Variants in ELF1 observed in about 807,000 individuals in gnomAD.
ELF1 encodes ETS-related transcription factor Elf-1.
In ELF1, 24 loss-of-function variants were observed where a neutral mutation model predicts 59.9. The observed-to-expected ratio is 0.40, with a 90% CI of 0.29 to 0.56. The LOEUF (loss-of-function observed/expected upper bound fraction) is 0.56, where lower values mean the gene tolerates loss of function less well. Ranked by LOEUF, ELF1 falls within the 20% of genes least tolerant of loss-of-function variation. The pLI, the probability that ELF1 is intolerant of heterozygous loss-of-function variation, is 0.44. For missense variants in ELF1, 627 were observed against 742.2 expected (o/e 0.84, Z 1.80); for synonymous variants, 248 against 266.2 (o/e 0.93, Z 0.67).
intron 1 of ELF1, among the ~76,000 whole-genome samples, chr13:40,993,512 T>G (rs1355694692): frequency 2.6e-5 from 4 of 152,100 alleles, no homozygotes; most frequent in African/African-American, 9.7e-5. Flanking sequence ...AGACAGGGTC[T>G]CGTTGTTGCC....
At chr13:41,021,337 C>A (rs969707368), upstream of ELF1, among the ~76,000 whole-genome samples, 1 of 152,152 alleles carries the variant, frequency 6.6e-6, no homozygotes, top group Non-Finnish European at 1.5e-5. Flanking sequence ...TCAACAGAAA[C>A]AAATATCTTA....
At chr13:40,942,319 C>T (rs1213609683) in intron 7 of ELF1, among the ~76,000 whole-genome samples, 1 of 152,156 alleles carries the variant, frequency 6.6e-6, no homozygotes, top group Admixed American at 6.5e-5. Flanking sequence ...TCATTCAGAT[C>T]GTTCTTATTT....
chr13:40,998,659 C>G (rs892831400), intron 1 of ELF1, among the ~76,000 whole-genome samples: 2 of 152,110 alleles, frequency 1.3e-5, no homozygotes, highest in African/African-American at 4.8e-5. Flanking sequence ...AAAACATATA[C>G]AGAACAATTA....
chr13:41,037,720 T>C (rs955596727), intron 1 of ELF1, among the ~76,000 whole-genome samples: 19 of 150,800 alleles, frequency 1.3e-4, no homozygotes, highest in African/African-American at 4.4e-4. Flanking sequence ...TGCTGGAACC[T>C]GGGAGGTGGA....
chr13:41,047,879 G>T (rs1386098432), intron 1 of ELF1, among the ~76,000 whole-genome samples: 1 of 152,230 alleles, frequency 6.6e-6, no homozygotes, highest in Non-Finnish European at 1.5e-5. Flanking sequence ...CCCAGAGGTG[G>T]AGTCTACAGA....
chr13:41,015,065 G>A (rs999967694), intron 1 of ELF1, among the ~76,000 whole-genome samples: 1 of 152,168 alleles, frequency 6.6e-6, no homozygotes, highest in Admixed American at 6.5e-5. Context: ...AGAGAGAAGA[G>A]CTTTCAAAAG....
intron 7 of ELF1, 91 bp downstream of exon 7, chr13:40,942,861 T>C (rs1220526016): frequency 1.5e-6 from 2 of 1,301,700 alleles, no homozygotes; most frequent in African/African-American, 1.5e-5. Context: ...ATTACCACTA[T>C]TGGTGCTTTG....
At chr13:41,034,515 G>A (rs900850655) in intron 1 of ELF1, among the ~76,000 whole-genome samples, 2 of 152,042 alleles carry the variant, frequency 1.3e-5, no homozygotes, top group Admixed American at 6.6e-5. Context: ...AAAGAATACA[G>A]TCTGTAATAA....
intron 1 of ELF1, among the ~76,000 whole-genome samples, chr13:41,043,810 TTAAAG>T (rs1412596802): frequency 1.3e-5 from 2 of 152,202 alleles, no homozygotes; most frequent in African/African-American, 2.4e-5. Flanking sequence ...CATATGAACT[TTAAAG>T]TAGTTTTTTC....
intron 3 of ELF1, among the ~76,000 whole-genome samples, chr13:40,955,813 G>A (rs1489763420): frequency 7.4e-6 from 1 of 135,650 alleles, no homozygotes; most frequent in African/African-American, 2.7e-5. Flanking sequence ...CCCCGTCCGG[G>A]AGGTGAGGGG....
chr13:41,061,324 G>A (rs1202550433), exon 1 of ELF1: 5 of 407,930 alleles, frequency 1.2e-5, no homozygotes, highest in African/African-American at 2.0e-5. Flanking sequence ...GAGACGGCGG[G>A]ATGGCGCAGG....
At chr13:40,964,832 G>A (rs1367129290) in intron 2 of ELF1, among the ~76,000 whole-genome samples, 6 of 152,094 alleles carry the variant, frequency 3.9e-5, no homozygotes, top group Non-Finnish European at 8.8e-5. Context: ...ACCGCACCCA[G>A]CCCAAATTTC....
intron 1 of ELF1, among the ~76,000 whole-genome samples, chr13:41,001,656 C>T (rs1029797741): frequency 2.0e-5 from 3 of 152,166 alleles, no homozygotes; most frequent in Admixed American, 1.3e-4. Flanking sequence ...CCTCATAGGG[C>T]TTAGAATCTA....
rs1220459893 is a variant in ELF1, at chr13:40,955,458, C to T, written c.253+3378G>A. ...CCCCCGCCCGGCCAGCCGCCCCGTC[C>T]GGGAGGTGAGGGGCGCCTCTGCCCG... On this transcript the variant is annotated intron_variant, in intron 3 of 8. Transcript: ENST00000239882. Among the ~76,000 whole-genome samples the T allele has an allele frequency of 1.3e-4, 16 of 123,162 alleles. 1 individual carries two copies. The highest frequency in any genetic ancestry group is 5.1e-4 in the East Asian group (2 of 3,890). 80.8% of individuals were successfully genotyped at this position (123,162 alleles called of 152,430 possible).
intron 1 of ELF1, among the ~76,000 whole-genome samples, chr13:41,055,470 T>C (rs554897053): frequency 6.6e-6 from 1 of 151,456 alleles, no homozygotes; most frequent in Non-Finnish European, 1.5e-5. Flanking sequence ...CCTTTCCTCA[T>C]TCCCCTCACA....
intron 1 of ELF1, among the ~76,000 whole-genome samples, chr13:41,027,687 A>C (rs969971732): frequency 6.6e-6 from 1 of 152,220 alleles, no homozygotes; most frequent in Non-Finnish European, 1.5e-5. Flanking sequence ...ACTACCATCC[A>C]TGAACTCACA....
At chr13:41,001,800 C>T (rs369836582) in intron 1 of ELF1, among the ~76,000 whole-genome samples, 1 of 152,072 alleles carries the variant, frequency 6.6e-6, no homozygotes, top group African/African-American at 2.4e-5. Context: ...TTCAAGGTTG[C>T]CGTGCACTGT....
chr13:40,940,847 G>A (rs1870110039), intron 8 of ELF1, 74 bp downstream of exon 8: 1 of 1,440,478 alleles, frequency 6.9e-7, no homozygotes, highest in South Asian at 1.4e-5. Flanking sequence ...TCTGAATCTT[G>A]ACCCACTTAA....
At chr13:40,998,038 C>T (rs9315800) in intron 1 of ELF1, among the ~76,000 whole-genome samples, 150,232 of 152,298 alleles carry the variant, frequency 0.99, 74,122 homozygotes, top group East Asian at 1. Context: ...CTCAGCTTAC[C>T]CGTGAGGTTG....
Sources: allele counts gnomAD v4.1 joint callset (sites outside exome capture counted in the v4.1 genomes callset), GRCh38; gene constraint gnomAD v4.1.1; transcripts MANE v1.5; gene names NCBI Gene and HGNC (gene_info 2026-07-23, HGNC 2026-07-21).